Variants in DTWD1 observed in about 807,000 individuals in gnomAD.
DTWD1 encodes DTW motif tRNA-uridine aminocarboxypropyltransferase 1, also known as tRNA-uridine aminocarboxypropyltransferase 1.
A neutral mutation model predicts 30.2 loss-of-function variants in DTWD1; 27 were observed. The ratio of observed to expected loss-of-function variants is 0.90; its 90% CI spans 0.66 to 1.23. The LOEUF (loss-of-function observed/expected upper bound fraction) is 1.23, where lower values mean the gene tolerates loss of function less well. Among genes scored for constraint, DTWD1 ranks in the 50% most tolerant of loss-of-function variants. The probability of loss-of-function intolerance (pLI) is 0.00; values close to 1 mark genes in which losing one functional copy is unlikely to be tolerated. For missense variants in DTWD1, 342 were observed against 348.8 expected, an observed-to-expected ratio of 0.98 and a Z score of 0.15; for synonymous variants, 99 against 113.1, an observed-to-expected ratio of 0.88 and a Z score of 0.79.
At chr15:49,626,757 A>G (rs1266478718) in intron 2 of DTWD1, 3 of 445,354 alleles carry the variant, frequency 6.7e-6, no homozygotes, top group East Asian at 1.4e-4. Context: ...AGCCTATATC[A>G]TCTTGGCCAG....
At chr15:49,631,952 C>G in intron 2 of DTWD1, 1 of 581,972 alleles carries the variant, frequency 1.7e-6, no homozygotes, top group East Asian at 3.2e-5. Context: ...AATAGTTGTC[C>G]TAATACATGA....
chr15:49,636,902 A>G (rs187958580), intron 4 of DTWD1, among the ~76,000 whole-genome samples: 1 of 152,254 alleles, frequency 6.6e-6, no homozygotes, highest in Admixed American at 6.5e-5. Flanking sequence ...TCTCTCCATT[A>G]TAAAGGTTTA....
At chr15:49,633,049 C>CTATATATATATATCTATA (rs2078948448) in intron 3 of DTWD1, among the ~76,000 whole-genome samples, 2 of 117,342 alleles carry the variant, frequency 1.7e-5, no homozygotes, top group Non-Finnish European at 3.5e-5. Context: ...ATATCTATAT[C>CTATATATATATATCTATA]TATATATATA....
intron 4 of DTWD1, among the ~76,000 whole-genome samples, chr15:49,640,428 A>G (rs533331920): frequency 1.3e-5 from 2 of 152,240 alleles, no homozygotes; most frequent in Admixed American, 1.3e-4. Context: ...TGCAAGTACA[A>G]GCTCCTCTAG....
chr15:49,631,927 G>T, intron 2 of DTWD1: 1 of 501,402 alleles, frequency 2.0e-6, no homozygotes, highest in Non-Finnish European at 3.6e-6. Flanking sequence ...AAGATTCTCT[G>T]TTAAATGAGT....
chr15:49,631,805 A>G (rs148471221), intron 2 of DTWD1, among the ~76,000 whole-genome samples: 1 of 152,278 alleles, frequency 6.6e-6, no homozygotes, highest in Non-Finnish European at 1.5e-5. Context: ...AAAATAGGCA[A>G]ACCTAAAGTT....
Position 49,643,396 on chromosome 15 carries a change from G to C in DTWD1, c.733G>C (p.Asp245His). The C allele has an allele frequency of 1.3e-6, 2 of 1,590,190 alleles. No individual in the cohort carries two copies. Among genetic ancestry groups the C allele is most frequent in the Non-Finnish European group, 1.7e-6 (2 of 1,172,392 alleles). ...CFWRHQKGKP[D>H]TFLSTIEAIY... ...TTGGCGCCATCAAAAAGGAAAGCCAGATACTTTCCTTTCTACAATTGAAGC... is the reference window on the plus strand; with the variant it reads ...TTGGCGCCATCAAAAAGGAAAGCCACATACTTTCCTTTCTACAATTGAAGC... Residue 245 changes from aspartate to histidine, a missense_variant, in exon 5 of 5, where the codon GAT (aspartate) becomes CAT (histidine). Asp to His is a moderately conservative substitution (Grantham distance 81, BLOSUM62 -1). Coordinates refer to ENST00000403028, the MANE Select transcript of DTWD1 (RefSeq NM_001144955.2).
At chr15:49,627,888 G>A (rs1274405792) in intron 2 of DTWD1, among the ~76,000 whole-genome samples, 1 of 151,892 alleles carries the variant, frequency 6.6e-6, no homozygotes, top group South Asian at 2.1e-4. Context: ...TATACTTAGG[G>A]TACACTACAT....
At chr15:49,635,050 T>A (rs1460564150) in intron 4 of DTWD1, among the ~76,000 whole-genome samples, 1 of 152,202 alleles carries the variant, frequency 6.6e-6, no homozygotes, top group African/African-American at 2.4e-5. Context: ...TTCCTTTTTT[T>A]TCTTGAGACA....
chr15:49,652,360 C>A lies in DTWD1; in HGVS notation c.*8782C>A, dbSNP rs964257697. 2.6e-5 allele frequency: 4 copies of A among 152,110 alleles called. No homozygotes were observed. Among genetic ancestry groups the A allele is most frequent in the African/African-American group, 9.7e-5 (4 of 41,428 alleles). 9.4% of individuals were successfully genotyped at this position (152,110 alleles called of 1,614,324 possible). On this transcript the variant is annotated 3_prime_UTR_variant, in exon 5 of 5. Transcript: ENST00000403028. The stretch of plus-strand genomic sequence containing the variant: ...ACCCTAATCAAGAGGAGATTGGAAT[C>A]CTGGTTACACAATCTGGGCAGAAGT...
intron 4 of DTWD1, among the ~76,000 whole-genome samples, chr15:49,638,679 G>T (rs1367964645): frequency 2.0e-5 from 3 of 152,110 alleles, no homozygotes; most frequent in African/African-American, 7.2e-5. Context: ...AAACCCTCAG[G>T]TGTATTGGAA....
At chr15:49,640,947 G>T (rs10519234) in intron 4 of DTWD1, among the ~76,000 whole-genome samples, 1 of 151,962 alleles carries the variant, frequency 6.6e-6, no homozygotes, top group Admixed American at 6.6e-5. Context: ...AAGATACTAT[G>T]TGGCTAATGA....
At chr15:49,630,181 T>C (rs758375872) in intron 2 of DTWD1, among the ~76,000 whole-genome samples, 14 of 152,156 alleles carry the variant, frequency 9.2e-5, no homozygotes, top group African/African-American at 3.4e-4. Flanking sequence ...AGGGCAATTG[T>C]TGATGGTGAG....
In DTWD1 at chr15:49,653,027, C is replaced by T. The variant is rs1036430164; in HGVS notation, c.*9449C>T. ...GTTTAAACAGAATTTTGAGAAATCCCAAATCAGTTTTTTTTCAGCATATGA... is the reference window on the plus strand; with the variant it reads ...GTTTAAACAGAATTTTGAGAAATCCTAAATCAGTTTTTTTTCAGCATATGA... On this transcript the variant is annotated 3_prime_UTR_variant, in exon 5 of 5. Transcript: ENST00000403028. The T allele has an allele frequency of 2.0e-5, 3 of 152,028 alleles. No individual in the cohort carries two copies. The highest frequency in any genetic ancestry group is 4.4e-5 in the Non-Finnish European group (3 of 67,990). The allele number at this position is 152,028 out of a possible 1,614,324, so 9.4% of individuals were successfully genotyped here.
chr15:49,635,867 T>G (rs149952031), intron 4 of DTWD1, among the ~76,000 whole-genome samples: 175 of 152,210 alleles, frequency 1.1e-3, no homozygotes, highest in Non-Finnish European at 2.0e-3. Flanking sequence ...TCCAGAGTAT[T>G]AAAGTTTTCT....
chr15:49,629,911 A>G (rs58889385), intron 2 of DTWD1: 4 of 152,124 alleles, frequency 2.6e-5, no homozygotes, highest in Admixed American at 6.6e-5. Context: ...AAGGTCCTCC[A>G]GGGGTGTATT....
Position 49,648,934 on chromosome 15 carries a change from G to A in DTWD1, c.*5356G>A, listed in dbSNP as rs1440070760. On this transcript the variant is annotated 3_prime_UTR_variant, in exon 5 of 5. Coordinates refer to ENST00000403028, the MANE Select transcript of DTWD1 (RefSeq NM_001144955.2). Reference sequence around the variant, plus strand: ...TGAAGAGATCTCTCAGAAAGTCAAAGAAAATAGGAGGAAAAAAACTTAAGA... The same window carrying A: ...TGAAGAGATCTCTCAGAAAGTCAAAAAAAATAGGAGGAAAAAAACTTAAGA... 6.6e-6 allele frequency: 1 copy of A among 151,998 alleles called. No individual in the cohort carries two copies. The highest frequency in any genetic ancestry group is 1.5e-5 in the Non-Finnish European group (1 of 67,994). 9.4% of individuals were successfully genotyped at this position (151,998 alleles called of 1,614,324 possible). A position where few individuals can be genotyped will look rare whatever the true frequency, so the allele number is the denominator to read the frequency against.
rs1391307434 is a variant in DTWD1 at position 49,649,450 on chromosome 15, C to T, written c.*5872C>T. The T allele has an allele frequency of 6.6e-6, 1 of 151,958 alleles. No individual in the cohort carries two copies. The allele number at this position is 151,958 out of a possible 1,614,324, so 9.4% of individuals were successfully genotyped here. On this transcript the variant is annotated 3_prime_UTR_variant, in exon 5 of 5. Transcript: ENST00000403028. ...ACCAAAAAAGAGAGCATTAAGAAGT[C>T]AGCAGGCCAGGCGCGGTGGCTCACG...
Position 49,626,288 on chromosome 15 carries a change from T to C in DTWD1, c.264+857T>C, listed in dbSNP as rs1405021197. 6.1e-4 allele frequency among the ~76,000 whole-genome samples: 93 copies of C among 152,228 alleles called. 1 individual carries two copies. Among genetic ancestry groups the C allele is most frequent in the Non-Finnish European group, 1.6e-4 (11 of 68,002 alleles). On this transcript the variant is annotated intron_variant, in intron 2 of 4. Coordinates refer to ENST00000403028, the MANE Select transcript of DTWD1 (RefSeq NM_001144955.2). The stretch of plus-strand genomic sequence containing the variant: ...GATTTTCACCTAAGATTTTGTGACT[T>C]ATCCTATACATGGGGATGGAGCAGA...
Sources: allele counts gnomAD v4.1 joint callset (sites outside exome capture counted in the v4.1 genomes callset), GRCh38; gene constraint gnomAD v4.1.1; transcripts MANE v1.5; gene names NCBI Gene and HGNC (gene_info 2026-07-23, HGNC 2026-07-21).